SEH1L: variants seen among roughly 807,000 people sequenced by gnomAD.
SEH1L encodes the protein nucleoporin SEH1.
A neutral mutation model predicts 49.5 loss-of-function variants in SEH1L; 18 were observed. The ratio of observed to expected loss-of-function variants is 0.36; its 90% CI spans 0.25 to 0.54. The LOEUF is 0.54. SEH1L is among the 20% of genes least tolerant of loss of function. The probability of loss-of-function intolerance (pLI) is 0.87; values close to 1 mark genes in which losing one functional copy is unlikely to be tolerated. For missense variants in SEH1L, 404 were observed against 528.8 expected (o/e 0.76, Z 2.31); for synonymous variants, 169 against 178.1 (o/e 0.95, Z 0.41).
chr18:12,975,645 T>A (rs1598969735), intron 5 of SEH1L: 1 of 948,380 alleles, frequency 1.1e-6, no homozygotes, highest in Non-Finnish European at 1.3e-6. Context: ...TTTTGGAGAG[T>A]GGTGCTTGCC....
intron 6 of SEH1L, among the ~76,000 whole-genome samples, chr18:12,979,458 A>G (rs1373841254): frequency 6.6e-6 from 1 of 151,184 alleles, no homozygotes; most frequent in African/African-American, 2.4e-5. Context: ...AAAGTCTCCC[A>G]TGTCTACTTC....
intron 6 of SEH1L, among the ~76,000 whole-genome samples, 156 bp downstream of exon 6, chr18:12,979,048 G>C (rs1425125002): frequency 6.6e-6 from 1 of 151,366 alleles, no homozygotes; most frequent in East Asian, 1.9e-4. Flanking sequence ...TTTTAAAAAT[G>C]GTCTTTTACA....
chr18:12,965,958 A>G (rs1359751895), intron 4 of SEH1L, among the ~76,000 whole-genome samples: 1 of 152,238 alleles, frequency 6.6e-6, no homozygotes, highest in Non-Finnish European at 1.5e-5. Flanking sequence ...TCCCAGCTAC[A>G]GTAACCCAAA....
At chr18:12,979,068 T>C (rs2032047275) in intron 6 of SEH1L, among the ~76,000 whole-genome samples, 176 bp downstream of exon 6, 1 of 136,092 alleles carries the variant, frequency 7.3e-6, no homozygotes, top group Non-Finnish European at 1.6e-5. Context: ...AGTTACTTTT[T>C]TTTCTTTCTT....
At position 12,966,036 on chromosome 18, in the gene SEH1L, C is replaced by A. The variant is rs549010174; in HGVS notation, c.521+2665C>A. Reference sequence around the variant, plus strand: ...CCCAACCTGGATTATTATGTGTTGGCCTTTGTTGATTAATCTTACTTATCA... The same window carrying A: ...CCCAACCTGGATTATTATGTGTTGGACTTTGTTGATTAATCTTACTTATCA... On this transcript the variant is annotated intron_variant, in intron 4 of 8. Coordinates refer to ENST00000399892, the MANE Select transcript of SEH1L (RefSeq NM_001013437.2). Among the ~76,000 whole-genome samples the A allele has an allele frequency of 1.3e-3, 192 of 151,974 alleles. 1 individual carries two copies. Among genetic ancestry groups the A allele is most frequent in the Non-Finnish European group, 2.2e-3 (148 of 67,964 alleles).
intron 6 of SEH1L, among the ~76,000 whole-genome samples, chr18:12,980,010 C>G (rs1176128514): frequency 7.2e-6 from 1 of 139,774 alleles, no homozygotes; most frequent in Non-Finnish European, 1.6e-5. Context: ...GCTGACCCCC[C>G]CACCTCCCTC....
intron 4 of SEH1L, among the ~76,000 whole-genome samples, chr18:12,970,678 G>T (rs1334722092): frequency 2.0e-5 from 3 of 152,116 alleles, no homozygotes; most frequent in African/African-American, 7.2e-5. Context: ...TCTCTCCTGA[G>T]TCTCTCAAAA....
intron 6 of SEH1L, among the ~76,000 whole-genome samples, chr18:12,980,338 C>T (rs553046466): frequency 3.7e-4 from 47 of 127,444 alleles, no homozygotes; most frequent in African/African-American, 1.2e-3. Flanking sequence ...GCGCCCCTCA[C>T]CTCCCGGACA....
chr18:12,979,357 A>C (rs2032066067), intron 6 of SEH1L, among the ~76,000 whole-genome samples: 1 of 149,656 alleles, frequency 6.7e-6, no homozygotes. Flanking sequence ...TGGACACAGC[A>C]CATGTTTCAG....
chr18:12,949,915 C>G (rs1261150528), intron 1 of SEH1L, among the ~76,000 whole-genome samples: 1 of 152,174 alleles, frequency 6.6e-6, no homozygotes, highest in Non-Finnish European at 1.5e-5. Flanking sequence ...CTGGTAACCT[C>G]TATTCTACTG....
rs114800705 is a variant in SEH1L, at chr18:12,952,381, C to T, written c.162+476C>T. Among the ~76,000 whole-genome samples the T allele has an allele frequency of 4.4e-3, 676 of 152,050 alleles. 7 individuals carry two copies. Among genetic ancestry groups the T allele is most frequent in the African/African-American group, 0.016 (646 of 41,478 alleles). ...CCAAGTAGCTGGGACTGTAGGCGTG[C>T]ACCACGATGCCCGGCTAATTTTTGT... On this transcript the variant is annotated intron_variant, in intron 2 of 8. Coordinates refer to ENST00000399892, the MANE Select transcript of SEH1L (RefSeq NM_001013437.2).
At chr18:12,949,683 G>T (rs2030391422) in intron 1 of SEH1L, among the ~76,000 whole-genome samples, 1 of 151,936 alleles carries the variant, frequency 6.6e-6, no homozygotes. Flanking sequence ...TCTATCTCCT[G>T]ACCTCGTGAT....
At position 12,955,546 on chromosome 18, in the gene SEH1L, A is replaced by G. The variant is rs1351593536; in HGVS notation, c.246A>G (p.Thr82=). Residue 82 remains threonine, a synonymous_variant, in exon 3 of 9, where the codon ACA becomes ACG. Coordinates refer to ENST00000399892, the MANE Select transcript of SEH1L (RefSeq NM_001013437.2). ...QVLASCSFDR[T]AAVWEEIVGE... ...TGGCTTCCTGTTCTTTTGACCGAAC[A>G]GCTGCTGTATGGGAAGAAATAGTAG... The G allele has an allele frequency of 1.2e-6, 2 of 1,613,866 alleles. No individual in the cohort carries two copies. Among genetic ancestry groups the G allele is most frequent in the African/African-American group, 2.7e-5 (2 of 74,838 alleles).
chr18:12,951,851 A>G lies in SEH1L; in HGVS notation c.112-4A>G, dbSNP rs1015628405. 9.0e-6 allele frequency: 14 copies of G among 1,558,286 alleles called. No individual in the cohort carries two copies. The highest frequency in any genetic ancestry group is 1.2e-5 in the Non-Finnish European group (14 of 1,140,560). ...TAAAATATCTGCCTTTTATTTTCTT[A>G]TAGGTCTGGGATAAAAGTGAAAGTG... On this transcript the variant is annotated splice_region_variant and splice_polypyrimidine_tract_variant and intron_variant, in intron 1 of 8. Coordinates refer to ENST00000399892, the MANE Select transcript of SEH1L (RefSeq NM_001013437.2).
intron 8 of SEH1L, chr18:12,986,435 A>C (rs541100188): frequency 1.0e-6 from 1 of 986,190 alleles, no homozygotes; most frequent in Non-Finnish European, 1.2e-6. Flanking sequence ...TACGCACTAA[A>C]AAAAATGTGT....
At chr18:12,982,435 G>C (rs1403931180) in intron 6 of SEH1L, 83 bp from the exon 7 acceptor site, 1 of 936,834 alleles carries the variant, frequency 1.1e-6, no homozygotes, top group South Asian at 2.0e-5. Flanking sequence ...AGAATTTTAC[G>C]TGTGTATATA....
At chr18:12,962,740 T>A (rs1020172614) in intron 3 of SEH1L, among the ~76,000 whole-genome samples, 5 of 152,144 alleles carry the variant, frequency 3.3e-5, no homozygotes, top group African/African-American at 1.2e-4. Flanking sequence ...CCCAAAGTTT[T>A]GGGATTACAG....
rs553188637 is a variant in SEH1L at position 12,975,423 on chromosome 18, A to G, written c.621-3329A>G. The stretch of plus-strand genomic sequence containing the variant: ...TACAGCGCCTAGGATATGGATGAGG[A>G]TGGTCACCTGCTAGAGATGGCAGCA... On this transcript the variant is annotated intron_variant, in intron 5 of 8. Coordinates refer to ENST00000399892, the MANE Select transcript of SEH1L (RefSeq NM_001013437.2). Among the ~76,000 whole-genome samples the G allele has an allele frequency of 2.0e-5, 3 of 152,144 alleles. No individual in the cohort carries two copies. In the East Asian group the frequency reaches 5.8e-4, roughly 29 times the overall value.
At chr18:12,962,076 T>C (rs1250576127) in intron 3 of SEH1L, among the ~76,000 whole-genome samples, 1 of 152,156 alleles carries the variant, frequency 6.6e-6, no homozygotes, top group Non-Finnish European at 1.5e-5. Flanking sequence ...ACCATTCTTT[T>C]GGTCCCTGTT....
Sources: gnomAD v4.1 joint callset for allele counts (sites outside exome capture counted in the v4.1 genomes callset) on GRCh38, gnomAD v4.1.1 for gene constraint, MANE v1.5 for transcripts, NCBI Gene and HGNC (gene_info 2026-07-23, HGNC 2026-07-21) for gene names.